COG5: variants seen among roughly 807,000 people sequenced by gnomAD.
COG5 encodes component of oligomeric golgi complex 5.
Under a neutral mutation model 110.4 loss-of-function variants are expected in COG5, and 86 were observed. The observed-to-expected ratio is 0.78, with a 90% CI of 0.65 to 0.93. COG5 has a LOEUF of 0.93. COG5 is among the 40% of genes least tolerant of loss of function. COG5 has a pLI of 0.00. For missense variants in COG5, 1,077 were observed against 987.0 expected (o/e 1.09, Z -1.22); for synonymous variants, 360 against 334.6 (o/e 1.08, Z -0.83).
At chr7:107,333,608 G>A (rs916815999) in intron 10 of COG5, among the ~76,000 whole-genome samples, 1 of 152,086 alleles carries the variant, frequency 6.6e-6, no homozygotes, top group African/African-American at 2.4e-5. Flanking sequence ...ACATTTTGAA[G>A]GTAGAACAGA....
intron 8 of COG5, among the ~76,000 whole-genome samples, chr7:107,367,545 TAAAG>T (rs1473476067): frequency 6.6e-6 from 1 of 150,904 alleles, no homozygotes; most frequent in African/African-American, 2.5e-5. Context: ...AATGAGTGGG[TAAAG>T]AAACTGTTGT....
intron 11 of COG5, among the ~76,000 whole-genome samples, chr7:107,300,242 A>T (rs931693976): frequency 6.6e-6 from 1 of 152,150 alleles, no homozygotes; most frequent in African/African-American, 2.4e-5. Flanking sequence ...TAAGAGAATA[A>T]GTAATACTTT....
At chr7:107,401,376 T>C (rs904808877) in intron 7 of COG5, among the ~76,000 whole-genome samples, 1 of 152,174 alleles carries the variant, frequency 6.6e-6, no homozygotes. Context: ...TACAATGTTA[T>C]CTCTAAAAAG....
At chr7:107,390,549 C>T (rs1234049605) in intron 7 of COG5, among the ~76,000 whole-genome samples, 1 of 151,880 alleles carries the variant, frequency 6.6e-6, no homozygotes, top group East Asian at 1.9e-4. Context: ...TCTGGGGAAC[C>T]TTTCATGACA....
rs12670390 is a variant in COG5, at chr7:107,456,193, T to C, written c.539-43561A>G. 4.6e-4 allele frequency among the ~76,000 whole-genome samples: 70 copies of C among 152,200 alleles called. No individual in the cohort carries two copies. In the East Asian group the frequency reaches 0.012, roughly 25 times the overall value. On this transcript the variant is annotated intron_variant, in intron 6 of 21. Transcript: ENST00000297135. Reference sequence around the variant, plus strand: ...AACATAAGAAACAAGGAGTAAAAAGTAAAACAACCACCAAAGATTTTCAAT... The same window carrying C: ...AACATAAGAAACAAGGAGTAAAAAGCAAAACAACCACCAAAGATTTTCAAT...
intron 7 of COG5, among the ~76,000 whole-genome samples, chr7:107,380,593 C>T (rs1815032955): frequency 6.6e-6 from 1 of 152,134 alleles, no homozygotes; most frequent in South Asian, 2.1e-4. Context: ...GACACATACA[C>T]CCTCCCAAGA....
intron 11 of COG5, among the ~76,000 whole-genome samples, chr7:107,313,312 G>C (rs1584663508): frequency 6.6e-6 from 1 of 152,270 alleles, no homozygotes; most frequent in South Asian, 2.1e-4. Context: ...ATCCTAGAGT[G>C]AACTGAAATA....
intron 5 of COG5, among the ~76,000 whole-genome samples, chr7:107,544,986 T>C (rs1259689849): frequency 2.6e-5 from 4 of 151,830 alleles, no homozygotes; most frequent in African/African-American, 9.7e-5. Flanking sequence ...AAGAACACAA[T>C]GACTGAACTA....
intron 11 of COG5, among the ~76,000 whole-genome samples, chr7:107,303,270 A>G (rs1279182416): frequency 6.6e-6 from 1 of 152,088 alleles, no homozygotes; most frequent in Non-Finnish European, 1.5e-5. Flanking sequence ...TCTTATCTAT[A>G]CAGAACAAAT....
chr7:107,292,831 C>A (rs1806289120), intron 12 of COG5, among the ~76,000 whole-genome samples: 1 of 152,162 alleles, frequency 6.6e-6, no homozygotes, highest in Non-Finnish European at 1.5e-5. Context: ...AGACTCAGAA[C>A]TTATAGATTA....
intron 7 of COG5, among the ~76,000 whole-genome samples, chr7:107,393,071 C>G (rs1176875274): frequency 1.3e-5 from 2 of 152,176 alleles, no homozygotes; most frequent in African/African-American, 4.8e-5. Context: ...TCCCCATACT[C>G]TGCTACAAAT....
At chr7:107,484,402 A>G (rs1797531550) in intron 6 of COG5, among the ~76,000 whole-genome samples, 1 of 152,176 alleles carries the variant, frequency 6.6e-6, no homozygotes, top group South Asian at 2.1e-4. Context: ...TTTGAATTCT[A>G]CATACTTTCT....
intron 7 of COG5, among the ~76,000 whole-genome samples, chr7:107,405,514 C>G (rs533458488): frequency 6.6e-6 from 1 of 152,300 alleles, no homozygotes; most frequent in African/African-American, 2.4e-5. Flanking sequence ...TGAAACTTGA[C>G]TTTGTGAGAA....
At position 107,211,179 on chromosome 7, in the gene COG5, A is replaced by G. The variant is rs374796275; in HGVS notation, c.2215T>C (p.Leu739=). The G allele has an allele frequency of 5.9e-5, 95 of 1,614,122 alleles. No homozygotes were observed. The highest frequency in any genetic ancestry group is 2.3e-4 in the African/African-American group (17 of 75,042). The stretch of plus-strand genomic sequence containing the variant: ...ATGCTGAACGGAATCACATCCCCCA[A>G]TGCAGGACTACTGGCTACATGTTCA... The part of the protein sequence containing the change: ...ASEHVASSPA[L]GDVIPFSIII... The change falls in exon 20 of 22, where the codon TTG becomes CTG. Residue 739 remains leucine, a synonymous_variant. Transcript: ENST00000297135.
chr7:107,358,582 T>G (rs979931147), intron 10 of COG5, among the ~76,000 whole-genome samples: 7 of 152,176 alleles, frequency 4.6e-5, no homozygotes, highest in Non-Finnish European at 8.8e-5. Context: ...TTGGCTAGCA[T>G]CTAGGAACTC....
intron 12 of COG5, among the ~76,000 whole-genome samples, chr7:107,284,128 T>C (rs1202588806): frequency 6.6e-6 from 1 of 152,178 alleles, no homozygotes; most frequent in Non-Finnish European, 1.5e-5. Context: ...TTTTGCCATG[T>C]TGGCCAGGAT....
chr7:107,376,025 T>C (rs1814611060), intron 7 of COG5, among the ~76,000 whole-genome samples: 1 of 152,016 alleles, frequency 6.6e-6, no homozygotes, highest in Non-Finnish European at 1.5e-5. Flanking sequence ...AGATTAGTGT[T>C]TTTCTACATG....
chr7:107,395,284 G>C (rs1001347831), intron 7 of COG5, among the ~76,000 whole-genome samples: 5 of 152,190 alleles, frequency 3.3e-5, no homozygotes, highest in Middle Eastern at 3.4e-3. Context: ...GAAAGAGAGG[G>C]AGAATGAAGA....
At chr7:107,308,841 C>G (rs1392613081) in intron 11 of COG5, among the ~76,000 whole-genome samples, 1 of 152,018 alleles carries the variant, frequency 6.6e-6, no homozygotes, top group Non-Finnish European at 1.5e-5. Context: ...TAAAATTATT[C>G]CATCTTTGGT....
Sources: allele counts gnomAD v4.1 joint callset (sites outside exome capture counted in the v4.1 genomes callset), GRCh38; gene constraint gnomAD v4.1.1; transcripts MANE v1.5; gene names NCBI Gene and HGNC (gene_info 2026-07-23, HGNC 2026-07-21).